The following SYTL5 variants were observed in gnomAD, a reference collection of about 807,000 sequenced individuals.
SYTL5 encodes the protein synaptotagmin-like protein 5.
Under a neutral mutation model 55.9 loss-of-function variants are expected in SYTL5, and 34 were observed. That is an observed-to-expected ratio of 0.61 (90% CI 0.46 to 0.81). The LOEUF is 0.81. Ranked by LOEUF, SYTL5 falls within the 30% of genes least tolerant of loss-of-function variation. The pLI is 0.00. For missense variants in SYTL5, 637 were observed against 546.7 expected (o/e 1.17, Z -1.65); for synonymous variants, 221 against 188.7 (o/e 1.17, Z -1.40).
the SYTL5 span, among the ~76,000 whole-genome samples, chrX:37,905,862 C>T: frequency 8.8e-6 from 1 of 113,032 alleles, no homozygotes; most frequent in East Asian, 2.8e-4. Context: ...GCGACTCTGG[C>T]GCCGCCGCCT....
rs1352668945 is a variant in SYTL5 at position 38,120,466 on chromosome X, G to A, written c.1705G>A (p.Gly569Arg). The A allele has an allele frequency of 4.2e-6, 5 of 1,178,770 alleles. No individual in the cohort carries two copies. Among genetic ancestry groups the A allele is most frequent in the Non-Finnish European group, 5.8e-6 (5 of 866,057 alleles). ...GATGCTTCCACCAGAACAACTCCAA[G>A]GTAGAGTAAAAATCAATGACTTTGA... Reference protein sequence around the residue: ...NLMLPPEQLQGNKTFKKGKKK... With the variant: ...NLMLPPEQLQRNKTFKKGKKK... Residue 569 changes from glycine to arginine, a missense_variant and splice_region_variant, in exon 14 of 17, where the codon GGA becomes AGA. Transcript: ENST00000297875.
chrX:37,955,399 A>T, the SYTL5 span, among the ~76,000 whole-genome samples: 1 of 111,997 alleles, frequency 8.9e-6, no homozygotes, highest in Non-Finnish European at 1.9e-5. Context: ...TTTATGTAAT[A>T]GATTTTAAGA....
At chrX:38,086,352 C>A (rs1936660942) in intron 6 of SYTL5, among the ~76,000 whole-genome samples, 1 of 111,991 alleles carries the variant, frequency 8.9e-6, no homozygotes, top group South Asian at 3.8e-4. Context: ...TGTGTTTCCC[C>A]TACCCATGGA....
chrX:37,929,827 C>T, the SYTL5 span, among the ~76,000 whole-genome samples: 73 of 111,795 alleles, frequency 6.5e-4, no homozygotes, highest in African/African-American at 1.9e-3. Flanking sequence ...GAATGAGAGA[C>T]GTGAAAACTA....
the SYTL5 span, among the ~76,000 whole-genome samples, chrX:37,931,010 TTG>T: frequency 8.9e-6 from 1 of 112,093 alleles, no homozygotes; most frequent in East Asian, 2.8e-4. Context: ...GGAAAATATA[TTG>T]TCTCTTGATA....
chrX:37,902,684 C>A, the SYTL5 span, among the ~76,000 whole-genome samples: 1 of 111,177 alleles, frequency 9.0e-6, no homozygotes, highest in African/African-American at 3.3e-5. Context: ...TAAAACAAAA[C>A]AAAACAAAGA....
intron 1 of SYTL5, among the ~76,000 whole-genome samples, chrX:38,012,924 T>G (rs993061993): frequency 8.9e-6 from 1 of 112,039 alleles, no homozygotes; most frequent in Non-Finnish European, 1.9e-5. Context: ...AGTTGCATAT[T>G]TTGACTAGAA....
chrX:37,958,669 G>A, the SYTL5 span, among the ~76,000 whole-genome samples: 3 of 111,789 alleles, frequency 2.7e-5, no homozygotes, highest in Admixed American at 2.8e-4. Flanking sequence ...CAACTCAGAA[G>A]TCCAAAGTCC....
rs1000696159 is a variant in SYTL5 at position 38,121,296 on chromosome X, T to A, written c.1706-784T>A. 2.7e-5 allele frequency among the ~76,000 whole-genome samples: 3 copies of A among 111,531 alleles called. No homozygotes were observed. The Admixed American group carries it at 2.8e-4, about 11-fold the overall frequency. On this transcript the variant is annotated intron_variant, in intron 14 of 16. Transcript: ENST00000297875. ...ATTACATTTCAACATGGGATTTGGG[T>A]GAGGATAACATCCAAACTATCTTGC...
upstream of SYTL5, among the ~76,000 whole-genome samples, chrX:38,002,387 G>A (rs1438267242): frequency 4.5e-5 from 5 of 111,728 alleles, no homozygotes; most frequent in South Asian, 1.9e-3. Flanking sequence ...ATCCAGTAAT[G>A]GGATGGCTGG....
At chrX:37,940,477 T>C in the SYTL5 span, among the ~76,000 whole-genome samples, 1 of 92,474 alleles carries the variant, frequency 1.1e-5, no homozygotes, top group Non-Finnish European at 2.1e-5. Context: ...CAAGACTCCA[T>C]CTAAAAAAAA....
intron 2 of SYTL5, among the ~76,000 whole-genome samples, chrX:38,043,237 A>G (rs1349953006): frequency 3.6e-5 from 4 of 111,108 alleles, no homozygotes; most frequent in Non-Finnish European, 7.6e-5. Flanking sequence ...CTTCTGATAC[A>G]TATTTTCATT....
intron 3 of SYTL5, among the ~76,000 whole-genome samples, chrX:38,062,663 C>T (rs1169869572): frequency 1.8e-5 from 2 of 111,581 alleles, no homozygotes; most frequent in African/African-American, 6.5e-5. Context: ...ACAGGTAGGC[C>T]ATACTGTTAT....
chrX:37,903,387 C>G, the SYTL5 span, among the ~76,000 whole-genome samples: 1,143 of 107,775 alleles, frequency 0.011, 18 homozygotes, highest in African/African-American at 0.035. Context: ...ATGATGAGTT[C>G]ATGTCCTTTG....
At position 38,102,377 on chromosome X, in the gene SYTL5, C is replaced by G. The variant is rs1937106774; in HGVS notation, c.1098C>G (p.Ala366=). ...SLEETEESID[A]LVSSQLSTNT... ...AAGAGACTGAAGAAAGCATTGATGC[C>G]TTAGTGTCCTCGCAGTTATCTACAA... Residue 366 remains alanine, a synonymous_variant, in exon 10 of 17, where the codon GCC becomes GCG. Coordinates refer to ENST00000297875, the MANE Select transcript of SYTL5 (RefSeq NM_138780.3). 8.3e-7 allele frequency: 1 copy of G among 1,209,143 alleles called. No individual in the cohort carries two copies. The highest frequency in any genetic ancestry group is 1.1e-6 in the Non-Finnish European group (1 of 893,440).
chrX:38,023,086 T>A (rs1934613178), intron 1 of SYTL5, among the ~76,000 whole-genome samples: 1 of 111,964 alleles, frequency 8.9e-6, no homozygotes, highest in African/African-American at 3.2e-5. Flanking sequence ...AAAGCAACAA[T>A]TATCAATTTG....
the SYTL5 span, chrX:37,994,540 T>C: frequency 6.9e-6 from 1 of 145,519 alleles, no homozygotes; most frequent in Admixed American, 9.5e-5. Context: ...CTGGAAAAGG[T>C]GGGCAAGGAG....
At chrX:37,983,236 A>G in the SYTL5 span, among the ~76,000 whole-genome samples, 1 of 111,878 alleles carries the variant, frequency 8.9e-6, no homozygotes, top group African/African-American at 3.2e-5. Context: ...AATAAAAGGC[A>G]GTTTGTCAGG....
intron 7 of SYTL5, among the ~76,000 whole-genome samples, chrX:38,092,107 G>A (rs1209610402): frequency 8.9e-6 from 1 of 112,299 alleles, no homozygotes; most frequent in African/African-American, 3.2e-5. Context: ...TAGATGGCAA[G>A]TATATAGCAT....
Sources: gnomAD v4.1 joint callset for allele counts (sites outside exome capture counted in the v4.1 genomes callset) on GRCh38, gnomAD v4.1.1 for gene constraint, MANE v1.5 for transcripts, NCBI Gene and HGNC (gene_info 2026-07-23, HGNC 2026-07-21) for gene names.